ZNF536: variants seen among roughly 807,000 people sequenced by gnomAD.
The protein encoded by ZNF536 is zinc finger protein 536.
Under a neutral mutation model 84.5 loss-of-function variants are expected in ZNF536, and 13 were observed. The ratio of observed to expected loss-of-function variants is 0.15; its 90% CI spans 0.10 to 0.24. ZNF536 has a LOEUF of 0.24. ZNF536 is among the 10% of genes least tolerant of loss of function. ZNF536 has a pLI of 1.00. For missense variants in ZNF536, 1,536 were observed against 1,747.5 expected (o/e 0.88, Z 2.16); for synonymous variants, 811 against 742.5 (o/e 1.09, Z -1.50).
In ZNF536 at chr19:30,456,401, A is replaced by G. The variant is rs552365739; in HGVS notation, c.2170+10669A>G. Among the ~76,000 whole-genome samples, 430 of 143,046 alleles carry G rather than the reference A, an allele frequency of 3.0e-3. 3 individuals carry two copies. Among genetic ancestry groups the G allele is most frequent in the Non-Finnish European group, 4.8e-3 (325 of 67,092 alleles). 93.8% of individuals were successfully genotyped at this position (143,046 alleles called of 152,430 possible). ...CTCATCGATCATTCTGATCTTCTGC[A>G]CCATTATTTCCTTAGGTGTGTTGCC... is the stretch of plus-strand genomic sequence containing the variant. On this transcript the variant is annotated intron_variant, in intron 2 of 4. Coordinates refer to ENST00000355537, the MANE Select transcript of ZNF536 (RefSeq NM_014717.3).
intron 1 of ZNF536, among the ~76,000 whole-genome samples, chr19:30,629,634 T>C (rs2048816585): frequency 6.6e-6 from 1 of 152,236 alleles, no homozygotes; most frequent in South Asian, 2.1e-4. Flanking sequence ...GAACCCGCCT[T>C]GTGCTGGCCT....
At chr19:30,592,869 T>A (rs539395555) in intron 1 of ZNF536, among the ~76,000 whole-genome samples, 2 of 152,322 alleles carry the variant, frequency 1.3e-5, no homozygotes, top group East Asian at 3.9e-4. Flanking sequence ...AGGTGTTACA[T>A]GAATAATTGG....
intron 1 of ZNF536, among the ~76,000 whole-genome samples, chr19:30,603,735 A>C (rs1237983523): frequency 6.6e-6 from 1 of 152,232 alleles, no homozygotes; most frequent in African/African-American, 2.4e-5. Context: ...TCTTTAAAAA[A>C]AGCACATGTG....
chr19:30,515,839 A>C (rs1381640173), intron 2 of ZNF536, among the ~76,000 whole-genome samples: 1 of 152,022 alleles, frequency 6.6e-6, no homozygotes, highest in Non-Finnish European at 1.5e-5. Flanking sequence ...CAGCCTGGCC[A>C]ACATGGTGAA....
intron 2 of ZNF536, chr19:30,296,026 C>T (rs1468372735): frequency 6.6e-6 from 1 of 152,298 alleles, no homozygotes; most frequent in Non-Finnish European, 1.5e-5. Flanking sequence ...CGGGGAAATC[C>T]AATGTGTGCA....
intron 1 of ZNF536, among the ~76,000 whole-genome samples, chr19:30,419,495 C>T (rs2050863753): frequency 6.6e-6 from 1 of 152,196 alleles, no homozygotes; most frequent in Admixed American, 6.5e-5. Flanking sequence ...TTCTCTGTAA[C>T]CAGAAGCATA....
chr19:30,578,451 C>T (rs1466810399), intron 1 of ZNF536, among the ~76,000 whole-genome samples: 1 of 152,230 alleles, frequency 6.6e-6, no homozygotes. Flanking sequence ...TCTTCCTGTT[C>T]CAGTTCTTTT....
chr19:30,525,604 G>A (rs573102478), intron 2 of ZNF536, among the ~76,000 whole-genome samples: 2 of 152,304 alleles, frequency 1.3e-5, no homozygotes, highest in East Asian at 1.9e-4. Context: ...TGTGAAGGGC[G>A]ATGTGGAAGG....
intron 2 of ZNF536, among the ~76,000 whole-genome samples, chr19:30,498,366 CTT>C (rs1273750524): frequency 6.6e-6 from 1 of 152,086 alleles, no homozygotes; most frequent in African/African-American, 2.4e-5. Context: ...CATGTTCTCA[CTT>C]ATAAGTGGGA....
chr19:30,534,469 A>T (rs1207408875), intron 2 of ZNF536, among the ~76,000 whole-genome samples: 5 of 152,190 alleles, frequency 3.3e-5, no homozygotes, highest in Admixed American at 2.6e-4. Context: ...TCCCATAGTG[A>T]ACTCTACAGT....
At chr19:30,461,426 A>T (rs533145430) in intron 2 of ZNF536, among the ~76,000 whole-genome samples, 1 of 152,132 alleles carries the variant, frequency 6.6e-6, no homozygotes, top group Non-Finnish European at 1.5e-5. Flanking sequence ...TCTCAGTAGG[A>T]GTCATCCCGA....
chr19:30,697,961 A>C (rs576773426), intron 1 of ZNF536, among the ~76,000 whole-genome samples: 1 of 152,252 alleles, frequency 6.6e-6, no homozygotes, highest in Non-Finnish European at 1.5e-5. Context: ...CTTTCAAAAT[A>C]AACTTTTAAT....
At chr19:30,457,821 T>C (rs538465628) in intron 2 of ZNF536, among the ~76,000 whole-genome samples, 1 of 152,310 alleles carries the variant, frequency 6.6e-6, no homozygotes, top group African/African-American at 2.4e-5. Flanking sequence ...GAACTGTCCA[T>C]ACCTGCCCCA....
At chr19:30,623,086 G>T (rs2048550105) in intron 1 of ZNF536, among the ~76,000 whole-genome samples, 1 of 133,786 alleles carries the variant, frequency 7.5e-6, no homozygotes. Flanking sequence ...CACCCAGACT[G>T]GAACACCAGT....
intron 2 of ZNF536, among the ~76,000 whole-genome samples, chr19:30,533,855 A>G (rs766805413): frequency 6.6e-6 from 1 of 152,204 alleles, no homozygotes; most frequent in African/African-American, 2.4e-5. Context: ...GGGGATGTCC[A>G]TGATTCTGGA....
intron 2 of ZNF536, among the ~76,000 whole-genome samples, chr19:30,509,491 CTATATAA>C (rs1393099611): frequency 2.0e-5 from 3 of 146,810 alleles, no homozygotes; most frequent in Non-Finnish European, 4.5e-5. Flanking sequence ...TAATATATAG[CTATATAA>C]TATATATTAT....
intron 1 of ZNF536, among the ~76,000 whole-genome samples, chr19:30,598,434 T>C (rs576513920): frequency 6.6e-6 from 1 of 152,166 alleles, no homozygotes; most frequent in East Asian, 1.9e-4. Flanking sequence ...GCCACATAAA[T>C]AATTTTGAAA....
chr19:30,413,190 G>T (rs914096493), intron 1 of ZNF536, among the ~76,000 whole-genome samples: 3 of 152,050 alleles, frequency 2.0e-5, no homozygotes, highest in Non-Finnish European at 4.4e-5. Context: ...CCTTTTGGGG[G>T]AAAGGGTGTG....
At chr19:30,349,874 T>C (rs1470600227) in intron 2 of ZNF536, among the ~76,000 whole-genome samples, 3 of 152,172 alleles carry the variant, frequency 2.0e-5, no homozygotes, top group African/African-American at 7.2e-5. Context: ...TATCGCATCT[T>C]CAAATGGAGA....
Sources: gnomAD v4.1 joint callset for allele counts (sites outside exome capture counted in the v4.1 genomes callset) on GRCh38, gnomAD v4.1.1 for gene constraint, MANE v1.5 for transcripts, NCBI Gene and HGNC (gene_info 2026-07-23, HGNC 2026-07-21) for gene names.